C1orf198: variants seen among roughly 807,000 people sequenced by gnomAD.
The protein encoded by C1orf198 is chromosome 1 open reading frame 198.
C1orf198 carries 17 observed loss-of-function variants against 31.4 expected under a neutral mutation model. The ratio of observed to expected loss-of-function variants is 0.54; its 90% CI spans 0.37 to 0.81. The LOEUF (loss-of-function observed/expected upper bound fraction) is 0.81. Ranked by LOEUF, C1orf198 falls within the 40% of genes least tolerant of loss-of-function variation. The probability of loss-of-function intolerance (pLI) is 0.00; values close to 1 mark genes in which losing one functional copy is unlikely to be tolerated. For missense variants in C1orf198, 401 were observed against 450.3 expected, an observed-to-expected ratio of 0.89 and a Z score of 0.99; for synonymous variants, 175 against 193.8, an observed-to-expected ratio of 0.90 and a Z score of 0.81.
intron 1 of C1orf198, among the ~76,000 whole-genome samples, chr1:230,859,724 CACAA>C (rs922600058): frequency 5.9e-5 from 9 of 152,222 alleles, no homozygotes; most frequent in African/African-American, 1.4e-4. Flanking sequence ...TAAACACACA[CACAA>C]ACAATCTTTT....
chr1:230,865,248 G>A (rs1256424010), intron 1 of C1orf198, among the ~76,000 whole-genome samples: 1 of 152,098 alleles, frequency 6.6e-6, no homozygotes, highest in Non-Finnish European at 1.5e-5. Flanking sequence ...TCCAGGACAT[G>A]GGGCTCCACC....
intron 2 of C1orf198, among the ~76,000 whole-genome samples, chr1:230,850,550 TGCAGGGCTGAGG>T (rs1669713207): frequency 6.6e-6 from 1 of 152,056 alleles, no homozygotes; most frequent in Admixed American, 6.6e-5. Context: ...GGGATGGCAG[TGCAGGGCTGAGG>T]GCAGGGCTGA....
chr1:230,856,233 C>G (rs2102987289), intron 1 of C1orf198: 1 of 153,846 alleles, frequency 6.5e-6, no homozygotes, highest in East Asian at 1.9e-4. Flanking sequence ...TACAGGAGCT[C>G]CCCTCCTCCC....
In C1orf198 at chr1:230,840,392, G is replaced by A. The variant is rs891710665; in HGVS notation, c.928-484C>T. 6.6e-6 allele frequency among the ~76,000 whole-genome samples: 1 copy of A among 152,204 alleles called. No homozygotes were observed. The highest frequency in any genetic ancestry group is 1.9e-4 in the East Asian group (1 of 5,200). ...CTTATTTCTTTCAGATCTTGTGAAA[G>A]GTTATGAAGTGATTTTCCCAAACTC... On this transcript the variant is annotated intron_variant, in intron 3 of 3. Coordinates refer to ENST00000366663, the MANE Select transcript of C1orf198 (RefSeq NM_032800.3). The surrounding 1 kb of genome is among the most constrained non-coding windows in gnomAD (Gnocchi z 4.0).
Position 230,843,336 on chromosome 1 carries a change from C to A in C1orf198, c.927+18G>T. On this transcript the variant is annotated intron_variant, in intron 3 of 3. Transcript: ENST00000366663. This position sits in a 1 kb window ranked among gnomAD's most constrained non-coding sequence, Gnocchi z 4.9. ...AGGCACCATCCCATCTGAGGACGCG[C>A]TGGTAAAGGCCACTCACCTGTGCAA... The A allele has an allele frequency of 6.4e-7, 1 of 1,551,162 alleles. No individual in the cohort carries two copies. Among genetic ancestry groups the A allele is most frequent in the South Asian group, 1.2e-5 (1 of 83,950 alleles).
rs1053608692 is a variant in C1orf198, at chr1:230,864,258, C to G, written c.333+3922G>C. ...AAGCAAACCTCTAGGCTGGCCAGCA[C>G]ACAGGCCCCTAGGTTTGCAGAAAGG... On this transcript the variant is annotated intron_variant, in intron 1 of 3. Transcript: ENST00000366663. Among the ~76,000 whole-genome samples the G allele has an allele frequency of 2.4e-4, 37 of 151,216 alleles. 1 individual carries two copies. Among genetic ancestry groups the G allele is most frequent in the Admixed American group, 5.9e-4 (9 of 15,204 alleles).
At chr1:230,862,675 C>T (rs1670028203) in intron 1 of C1orf198, among the ~76,000 whole-genome samples, 1 of 152,114 alleles carries the variant, frequency 6.6e-6, no homozygotes, top group African/African-American at 2.4e-5. Context: ...ACCATGGAGA[C>T]AGTTAAAATA....
intron 2 of C1orf198, among the ~76,000 whole-genome samples, chr1:230,851,255 A>C (rs1558139195): frequency 6.6e-6 from 1 of 152,142 alleles, no homozygotes; most frequent in African/African-American, 2.4e-5. Flanking sequence ...CATCAGGTGA[A>C]GGAAGGGGGT....
chr1:230,855,436 T>A (rs1380147708), intron 2 of C1orf198, among the ~76,000 whole-genome samples: 1 of 152,180 alleles, frequency 6.6e-6, no homozygotes, highest in Admixed American at 6.5e-5. Context: ...CATTGGACCC[T>A]GGCAGAAAGC....
rs954019334 is a variant in C1orf198, at chr1:230,840,128, A to G, written c.928-220T>C. 6.6e-6 allele frequency among the ~76,000 whole-genome samples: 1 copy of G among 152,174 alleles called. No individual in the cohort carries two copies. Among genetic ancestry groups the G allele is most frequent in the Non-Finnish European group, 1.5e-5 (1 of 68,024 alleles). On this transcript the variant is annotated intron_variant, in intron 3 of 3. Coordinates refer to ENST00000366663, the MANE Select transcript of C1orf198 (RefSeq NM_032800.3). The surrounding 1 kb of genome is among the most constrained non-coding windows in gnomAD (Gnocchi z 4.0). ...AGCATCCAACACTAACCCCTCTTCAACCCCAGGCATGTCTGTGAGCAGCTT... is the reference window on the plus strand; with the variant it reads ...AGCATCCAACACTAACCCCTCTTCAGCCCCAGGCATGTCTGTGAGCAGCTT...
In C1orf198 at chr1:230,868,419, A is replaced by C. The variant is rs1442956940; in HGVS notation, c.94T>G (p.Tyr32Asp). The C allele has an allele frequency of 1.3e-6, 2 of 1,589,982 alleles. No homozygotes were observed. The highest frequency in any genetic ancestry group is 1.7e-4 in the Middle Eastern group (1 of 5,978). ...GCCATGGGGCTCAGCGACGAGAAGT[A>C]AGTGAAGCGCTTTCGCTCCCGGTCG... ...LDDRERKRFT[Y>D]FSSLSPMARK... Residue 32 changes from tyrosine (Y) to aspartate (D), a missense_variant, in exon 1 of 4, where the codon TAC becomes GAC. Coordinates refer to ENST00000366663, the MANE Select transcript of C1orf198 (RefSeq NM_032800.3).
intron 3 of C1orf198, among the ~76,000 whole-genome samples, chr1:230,841,926 G>A (rs1237826527): frequency 2.0e-5 from 3 of 152,164 alleles, no homozygotes; most frequent in Non-Finnish European, 4.4e-5. Flanking sequence ...CACAAAATGT[G>A]GTCTAACCAC....
rs1185677403 is a variant in C1orf198 at position 230,840,346 on chromosome 1, T to C, written c.928-438A>G. Among the ~76,000 whole-genome samples, 2 of 152,080 alleles carry C rather than the reference T, an allele frequency of 1.3e-5. No individual in the cohort carries two copies. ...ACTTGTAAAGTTGAGAAAGTAAACA[T>C]AGTGTGGAAAGAATGTGAAGCTTAT... On this transcript the variant is annotated intron_variant, in intron 3 of 3. Coordinates refer to ENST00000366663, the MANE Select transcript of C1orf198 (RefSeq NM_032800.3). This position sits in a 1 kb window ranked among gnomAD's most constrained non-coding sequence, Gnocchi z 4.0.
intron 2 of C1orf198, 137 bp from the exon 3 acceptor site, chr1:230,844,033 G>A (rs1669522045): frequency 4.4e-6 from 4 of 907,650 alleles, no homozygotes; most frequent in Admixed American, 2.7e-5. Context: ...CCATGTGCTG[G>A]AACTGTCTGT....
At chr1:230,855,792 G>A (rs374719805) in intron 1 of C1orf198, 74 bp from the exon 2 acceptor site, 188 of 1,558,478 alleles carry the variant, frequency 1.2e-4, no homozygotes, top group Non-Finnish European at 1.5e-4. Context: ...ACCCAGGACC[G>A]TGGGGGAACC....
rs1299818224 is a variant in C1orf198, at chr1:230,868,364, A to T, written c.149T>A (p.Ile50Asn). 1.1e-5 allele frequency: 18 copies of T among 1,597,898 alleles called. No individual in the cohort carries two copies. In the Admixed American group the frequency reaches 1.7e-4, roughly 15 times the overall value. ...ARKIMQDKEK[I>N]REKYGPEWAR... ...CCACTCGGGCCCGTACTTCTCGCGGATCTTCTCCTTGTCCTGCATGATCTT... is the reference window on the plus strand; with the variant it reads ...CCACTCGGGCCCGTACTTCTCGCGGTTCTTCTCCTTGTCCTGCATGATCTT... The change falls in exon 1 of 4, where the codon ATC (isoleucine) becomes AAC (asparagine). Residue 50 changes from isoleucine to asparagine, a missense_variant. Coordinates refer to ENST00000366663, the MANE Select transcript of C1orf198 (RefSeq NM_032800.3).
intron 3 of C1orf198, among the ~76,000 whole-genome samples, chr1:230,841,665 G>A (rs569796677): frequency 6.6e-6 from 1 of 152,296 alleles, no homozygotes; most frequent in African/African-American, 2.4e-5. Flanking sequence ...GGAGAAACGC[G>A]AACCCACATT....
intron 1 of C1orf198, 89 bp from the exon 2 acceptor site, chr1:230,855,807 C>T: frequency 4.5e-6 from 7 of 1,543,674 alleles, no homozygotes; most frequent in South Asian, 3.8e-5. Flanking sequence ...GGAACCAAAA[C>T]TTAGGAATAA....
At chr1:230,852,540 C>G (rs1164250319) in intron 2 of C1orf198, among the ~76,000 whole-genome samples, 1 of 152,078 alleles carries the variant, frequency 6.6e-6, no homozygotes, top group Non-Finnish European at 1.5e-5. Flanking sequence ...TAAATATACA[C>G]AATTTTTCAT....
Sources: allele counts gnomAD v4.1 joint callset (sites outside exome capture counted in the v4.1 genomes callset), GRCh38; gene constraint gnomAD v4.1.1; non-coding constraint Gnocchi (gnomAD v3.1); transcripts MANE v1.5; gene names NCBI Gene and HGNC (gene_info 2026-07-23, HGNC 2026-07-21).